The following NPY2R variants were observed in gnomAD, a reference collection of about 807,000 sequenced individuals.
The protein encoded by NPY2R is neuropeptide Y receptor Y2.
NPY2R carries 17 observed loss-of-function variants against 22.3 expected under a neutral mutation model. That is an observed-to-expected ratio of 0.76 (90% CI 0.52 to 1.14). NPY2R has a LOEUF of 1.14. Ranked by LOEUF, NPY2R falls within the 50% of genes most tolerant of loss-of-function variation. The pLI, the probability that NPY2R is intolerant of heterozygous loss-of-function variation, is 0.00. For synonymous variants in NPY2R, 209 were observed against 183.4 expected, an observed-to-expected ratio of 1.14 and a Z score of -1.13; for missense variants, 424 against 467.9, an observed-to-expected ratio of 0.91 and a Z score of 0.87.
rs1560766715 is a variant in NPY2R, at chr4:155,216,815, A to C, written c.*1730A>C. On this transcript the variant is annotated 3_prime_UTR_variant, in exon 2 of 2. Coordinates refer to ENST00000329476, the MANE Select transcript of NPY2R (RefSeq NM_000910.4). ...AGACTAGGCAAATTGTTCAAAAATA[A>C]CCTTTTTGTCTTTTAAGTAGCAGTC... 2 of 167,036 alleles carry C rather than the reference A, an allele frequency of 1.2e-5. No individual in the cohort carries two copies. Among genetic ancestry groups the C allele is most frequent in the Non-Finnish European group, 2.9e-5 (2 of 68,090 alleles). 10.3% of individuals were successfully genotyped at this position (167,036 alleles called of 1,614,324 possible).
the NPY2R span, among the ~76,000 whole-genome samples, chr4:155,181,804 A>T: frequency 2.0e-5 from 3 of 152,166 alleles, no homozygotes; most frequent in Non-Finnish European, 4.4e-5. Flanking sequence ...ACCCAAATGG[A>T]CTAAGATGTT....
chr4:155,175,030 GA>G, the NPY2R span, among the ~76,000 whole-genome samples: 2 of 151,988 alleles, frequency 1.3e-5, no homozygotes, highest in Non-Finnish European at 2.9e-5. Context: ...ATATGAAAGG[GA>G]AAAGATAATT....
chr4:155,207,271 G>T (rs1729300685), upstream of NPY2R: 1 of 151,912 alleles, frequency 6.6e-6, no homozygotes, highest in East Asian at 1.9e-4. Context: ...TTAACATCTT[G>T]GAGAATATGT....
Position 155,215,905 on chromosome 4 carries a change from G to T in NPY2R, c.*820G>T, listed in dbSNP as rs1729505618. On this transcript the variant is annotated 3_prime_UTR_variant, in exon 2 of 2. Coordinates refer to ENST00000329476, the MANE Select transcript of NPY2R (RefSeq NM_000910.4). The stretch of plus-strand genomic sequence containing the variant: ...GATACTTTTATTGTTATACCTTTTT[G>T]AACATGTATGATTTCTGTTGTTATT... 6.0e-6 allele frequency: 1 copy of T among 166,938 alleles called. No individual in the cohort carries two copies. The highest frequency in any genetic ancestry group is 2.1e-4 in the South Asian group (1 of 4,828). 10.3% of individuals were successfully genotyped at this position (166,938 alleles called of 1,614,324 possible). A position where few individuals can be genotyped will look rare whatever the true frequency, so the allele number is the denominator to read the frequency against.
the NPY2R span, among the ~76,000 whole-genome samples, chr4:155,186,328 T>C: frequency 1.1e-4 from 16 of 152,270 alleles, no homozygotes; most frequent in African/African-American, 3.8e-4. Flanking sequence ...ATTTGATTAG[T>C]AAAGCAGTGT....
At chr4:155,188,889 T>C in the NPY2R span, among the ~76,000 whole-genome samples, 1 of 152,130 alleles carries the variant, frequency 6.6e-6, no homozygotes, top group South Asian at 2.1e-4. Context: ...TTCCAGAAAC[T>C]CTGAGATAAT....
At chr4:155,180,534 A>C in the NPY2R span, among the ~76,000 whole-genome samples, 4,032 of 152,216 alleles carry the variant, frequency 0.026, 75 homozygotes, top group East Asian at 0.047. Context: ...ACCAACTTGC[A>C]TGGCTTACAC....
At chr4:155,174,435 G>T in the NPY2R span, among the ~76,000 whole-genome samples, 2 of 138,256 alleles carry the variant, frequency 1.4e-5, no homozygotes, top group Non-Finnish European at 3.0e-5. Flanking sequence ...TTTGGACAAG[G>T]AAATTTGGCA....
upstream of NPY2R, among the ~76,000 whole-genome samples, chr4:155,206,068 C>T (rs1729278342): frequency 6.6e-6 from 1 of 152,158 alleles, no homozygotes; most frequent in Non-Finnish European, 1.5e-5. Flanking sequence ...TTTTTGTGCT[C>T]TTCAAGGTGT....
Position 155,209,064 on chromosome 4 carries a change from A to T in NPY2R, c.-54A>T, listed in dbSNP as rs980147539. 1 of 152,314 alleles carries T rather than the reference A, an allele frequency of 6.6e-6. No individual in the cohort carries two copies. Among genetic ancestry groups the T allele is most frequent in the Non-Finnish European group, 1.5e-5 (1 of 68,096 alleles). The allele number at this position is 152,314 out of a possible 1,614,324, so 9.4% of individuals were successfully genotyped here. On this transcript the variant is annotated 5_prime_UTR_variant, in exon 1 of 2. Coordinates refer to ENST00000329476, the MANE Select transcript of NPY2R (RefSeq NM_000910.4). Reference sequence around the variant, plus strand: ...GCGTCTCCGCAAAAACGCGAGGTCCAGGTCAGTAAGTGTAATTCCTAACTC... The same window carrying T: ...GCGTCTCCGCAAAAACGCGAGGTCCTGGTCAGTAAGTGTAATTCCTAACTC...
the NPY2R span, among the ~76,000 whole-genome samples, chr4:155,181,587 G>A: frequency 6.6e-6 from 1 of 152,112 alleles, no homozygotes; most frequent in Non-Finnish European, 1.5e-5. Context: ...TCATAAATGG[G>A]ATTAGTATCC....
chr4:155,214,809 C>A lies in NPY2R; in HGVS notation c.870C>A (p.Ala290=), dbSNP rs554888119. 6.2e-7 allele frequency: 1 copy of A among 1,612,246 alleles called. No individual in the cohort carries two copies. Among genetic ancestry groups the A allele is most frequent in the Admixed American group, 1.7e-5 (1 of 59,910 alleles). Residue 290 remains alanine, a synonymous_variant, in exon 2 of 2, where the codon GCC becomes GCA. Coordinates refer to ENST00000329476, the MANE Select transcript of NPY2R (RefSeq NM_000910.4). Reference sequence around the variant, plus strand: ...TGCCTCTCCATGCCTTCCAGCTTGCCGTTGACATTGACAGCCAGGTCCTGG... The same window carrying A: ...TGCCTCTCCATGCCTTCCAGCTTGCAGTTGACATTGACAGCCAGGTCCTGG... ...SWLPLHAFQL[A]VDIDSQVLDL...
intron 1 of NPY2R, among the ~76,000 whole-genome samples, chr4:155,213,548 A>G (rs541920355): frequency 1.3e-5 from 2 of 152,322 alleles, no homozygotes; most frequent in African/African-American, 4.8e-5. Context: ...GTGGTTATAC[A>G]ATTCATAAAG....
the NPY2R span, among the ~76,000 whole-genome samples, chr4:155,198,062 T>C: frequency 6.6e-6 from 1 of 151,998 alleles, no homozygotes; most frequent in Non-Finnish European, 1.5e-5. Flanking sequence ...AAAAGGTATG[T>C]GGCACAATTT....
chr4:155,201,405 A>C, the NPY2R span, among the ~76,000 whole-genome samples: 2 of 152,276 alleles, frequency 1.3e-5, no homozygotes, highest in African/African-American at 4.8e-5. Flanking sequence ...ATGAGCTTCC[A>C]AGTACTATCA....
At chr4:155,185,150 CT>C in the NPY2R span, among the ~76,000 whole-genome samples, 1 of 151,512 alleles carries the variant, frequency 6.6e-6, no homozygotes, top group Non-Finnish European at 1.5e-5. Flanking sequence ...AGCGATTCTC[CT>C]GCCTCAGCCT....
At chr4:155,174,260 A>C in the NPY2R span, 1 of 151,790 alleles carries the variant, frequency 6.6e-6, no homozygotes, top group East Asian at 1.9e-4. Context: ...CTCCATACTC[A>C]AAAGAATTAA....
At chr4:155,194,787 C>T in the NPY2R span, among the ~76,000 whole-genome samples, 1 of 151,846 alleles carries the variant, frequency 6.6e-6, no homozygotes, top group African/African-American at 2.4e-5. Context: ...AATGGCAGTT[C>T]TGAGTTCTTT....
the NPY2R span, among the ~76,000 whole-genome samples, chr4:155,194,981 G>C: frequency 6.6e-6 from 1 of 151,916 alleles, no homozygotes; most frequent in Non-Finnish European, 1.5e-5. Flanking sequence ...TTTCTCTAAT[G>C]ATCAGGCATT....
Sources: gnomAD v4.1 joint callset for allele counts (sites outside exome capture counted in the v4.1 genomes callset) on GRCh38, gnomAD v4.1.1 for gene constraint, MANE v1.5 for transcripts, NCBI Gene and HGNC (gene_info 2026-07-23, HGNC 2026-07-21) for gene names.